Variants in ZUP1 observed in about 807,000 individuals in gnomAD.
The protein encoded by ZUP1 is zinc finger-containing ubiquitin peptidase 1.
Under a neutral mutation model 68.1 loss-of-function variants are expected in ZUP1, and 55 were observed. That is an observed-to-expected ratio of 0.81 (90% CI 0.65 to 1.01). The LOEUF (loss-of-function observed/expected upper bound fraction) is 1.01, where lower values mean the gene tolerates loss of function less well. Ranked by LOEUF, ZUP1 falls within the 50% of genes least tolerant of loss-of-function variation. The pLI, the probability that ZUP1 is intolerant of heterozygous loss-of-function variation, is 0.00. For synonymous variants in ZUP1, 223 were observed against 221.5 expected (o/e 1.01, Z -0.06); for missense variants, 684 against 674.9 (o/e 1.01, Z -0.15).
intron 9 of ZUP1, among the ~76,000 whole-genome samples, chr6:116,642,591 G>A (rs530597943): frequency 1.3e-5 from 2 of 152,284 alleles, no homozygotes; most frequent in African/African-American, 4.8e-5. Context: ...AAAACCACAT[G>A]ATTATCTCAA....
chr6:116,651,861 C>A, intron 6 of ZUP1, 124 bp from the exon 7 acceptor site: 1 of 1,403,294 alleles, frequency 7.1e-7, no homozygotes, highest in Non-Finnish European at 9.6e-7. Context: ...CATCTTCTAT[C>A]ATTTTCTCTT....
intron 7 of ZUP1, among the ~76,000 whole-genome samples, chr6:116,650,454 C>T (rs904848106): frequency 1.2e-4 from 18 of 144,728 alleles, no homozygotes; most frequent in East Asian, 6.1e-4. Flanking sequence ...AAGATTAGTT[C>T]AGTGGCCAAC....
chr6:116,660,810 C>T lies in ZUP1; in HGVS notation c.596G>A (p.Gly199Glu). 6.2e-7 allele frequency: 1 copy of T among 1,607,750 alleles called. No individual in the cohort carries two copies. The highest frequency in any genetic ancestry group is 8.5e-7 in the Non-Finnish European group (1 of 1,176,014). Residue 199 changes from glycine to glutamate, a missense_variant, in exon 3 of 10, where the codon GGG becomes GAG. Gly to Glu is a moderately conservative substitution (Grantham distance 98, BLOSUM62 -2). Coordinates refer to ENST00000368576, the MANE Select transcript of ZUP1 (RefSeq NM_145062.3). ...AATATGGTAATTTGTACATATGAGCCCACACATAGGACAATCATAGAGTGG... is the reference window on the plus strand; with the variant it reads ...AATATGGTAATTTGTACATATGAGCTCACACATAGGACAATCATAGAGTGG... ...DQPLYDCPMC[G>E]LICTNYHILQ... is the part of the protein sequence containing the mutation.
chr6:116,668,712 T>C lies in ZUP1; in HGVS notation c.-162A>G, dbSNP rs1777085992. 6.6e-6 allele frequency: 1 copy of C among 152,292 alleles called. No homozygotes were observed. The highest frequency in any genetic ancestry group is 1.5e-5 in the Non-Finnish European group (1 of 68,104). The allele number at this position is 152,292 out of a possible 1,614,324, so 9.4% of individuals were successfully genotyped here. ...CTTCCCAATACGCAGAGTTTCACAGTTAACCGAGGAAAGAATTAGGAACTT... is the reference window on the plus strand; with the variant it reads ...CTTCCCAATACGCAGAGTTTCACAGCTAACCGAGGAAAGAATTAGGAACTT... On this transcript the variant is annotated 5_prime_UTR_variant, in exon 1 of 10. Transcript: ENST00000368576.
intron 8 of ZUP1, chr6:116,646,179 CT>C (rs1259542105): frequency 6.0e-6 from 2 of 331,078 alleles, no homozygotes; most frequent in African/African-American, 2.1e-5. Context: ...AAATATTTTA[CT>C]TTTCCTTTCC....
chr6:116,638,264 T>G (rs1421315090), intron 9 of ZUP1, among the ~76,000 whole-genome samples: 1 of 152,228 alleles, frequency 6.6e-6, no homozygotes. Context: ...GGAGCTTTTT[T>G]TTCTTAATTT....
chr6:116,645,892 C>G lies in ZUP1; in HGVS notation c.1511G>C (p.Arg504Pro). 6.2e-7 allele frequency: 1 copy of G among 1,613,538 alleles called. No homozygotes were observed. The highest frequency in any genetic ancestry group is 1.3e-5 in the African/African-American group (1 of 75,004). Reference sequence around the variant, plus strand: ...ATCAAGTATTAGTAAGCATAATGTTCGGTTTTTTTTCTCTTCAATTCCAAT... The same window carrying G: ...ATCAAGTATTAGTAAGCATAATGTTGGGTTTTTTTTCTCTTCAATTCCAAT... ...TVIGIEEKKNRTLCLLILDPG... is the reference protein window; with the variant it reads ...TVIGIEEKKNPTLCLLILDPG... The change falls in exon 9 of 10, where the codon CGA becomes CCA. Residue 504 changes from arginine (R) to proline (P), a missense_variant. Arg to Pro is a moderately radical substitution (Grantham distance 103). Coordinates refer to ENST00000368576, the MANE Select transcript of ZUP1 (RefSeq NM_145062.3).
At chr6:116,661,310 T>C (rs941143242) in intron 2 of ZUP1, among the ~76,000 whole-genome samples, 10 of 152,034 alleles carry the variant, frequency 6.6e-5, no homozygotes, top group Middle Eastern at 3.4e-3. Context: ...AGGGTCGAGA[T>C]AGAAGGCTGA....
At position 116,635,837 on chromosome 6, in the gene ZUP1, G is replaced by C; in HGVS notation, c.1732C>G (p.Pro578Ala). Residue 578 changes from proline (P) to alanine (A), a missense_variant, in exon 10 of 10, where the codon CCT becomes GCT. Coordinates refer to ENST00000368576, the MANE Select transcript of ZUP1 (RefSeq NM_145062.3). Reference protein sequence around the residue: ...ASQVFTAEKIP With the variant: ...ASQVFTAEKIA ...ATGCTTAAATGCTTGATTCTTCAAGGAATCTTCTCGGCTGTAAAGACTTGA... is the reference window on the plus strand; with the variant it reads ...ATGCTTAAATGCTTGATTCTTCAAGCAATCTTCTCGGCTGTAAAGACTTGA... The C allele has an allele frequency of 1.3e-6, 2 of 1,595,882 alleles. No homozygotes were observed. Among genetic ancestry groups the C allele is most frequent in the Non-Finnish European group, 1.7e-6 (2 of 1,174,460 alleles).
Position 116,640,483 on chromosome 6 carries a change from G to A in ZUP1, c.1690-4604C>T, listed in dbSNP as rs1318426418. On this transcript the variant is annotated intron_variant, in intron 9 of 9. Coordinates refer to ENST00000368576, the MANE Select transcript of ZUP1 (RefSeq NM_145062.3). ...AAGGGAAGCCCATCAGACTAACAGC[G>A]GATCTCTCAGCAGAAACTCTACAAG... Among the ~76,000 whole-genome samples the A allele has an allele frequency of 1.9e-4, 29 of 151,898 alleles. No individual in the cohort carries two copies. The East Asian group carries it at 5.0e-3, about 26-fold the overall frequency.
chr6:116,652,056 T>C lies in ZUP1; in HGVS notation c.1098A>G (p.Gln366=), dbSNP rs1360591082. The change falls in exon 6 of 10, where the codon CAA becomes CAG. Residue 366 remains glutamine, a synonymous_variant. Transcript: ENST00000368576. ...KGWGCGYRNF[Q]MLLSSLLQND... Reference sequence around the variant, plus strand: ...TTTGTAATAATGATGAAAGTAGCATTTGGAAATTTCTGTAACCACAACCCC... The same window carrying C: ...TTTGTAATAATGATGAAAGTAGCATCTGGAAATTTCTGTAACCACAACCCC... The C allele has an allele frequency of 3.7e-6, 6 of 1,613,874 alleles. No homozygotes were observed. Among genetic ancestry groups the C allele is most frequent in the Non-Finnish European group, 5.1e-6 (6 of 1,179,890 alleles).
At chr6:116,637,686 T>TAC (rs1384868022) in intron 9 of ZUP1, among the ~76,000 whole-genome samples, 1 of 152,234 alleles carries the variant, frequency 6.6e-6, no homozygotes, top group African/African-American at 2.4e-5. Context: ...CTCGAATGTG[T>TAC]ACACTGGTGA....
chr6:116,660,660 CA>C, intron 3 of ZUP1, 75 bp downstream of exon 3: 1 of 770,776 alleles, frequency 1.3e-6, no homozygotes, highest in Non-Finnish European at 2.0e-6. Flanking sequence ...TTCCATATCA[CA>C]AATCTAAAAA....
chr6:116,646,733 C>A (rs1776321480), intron 8 of ZUP1, among the ~76,000 whole-genome samples: 1 of 152,182 alleles, frequency 6.6e-6, no homozygotes, highest in South Asian at 2.1e-4. Flanking sequence ...TGCCACCACA[C>A]CTGGCTAATT....
In ZUP1 at chr6:116,651,667, A is replaced by T. The variant is rs960795867; in HGVS notation, c.1221T>A (p.Pro407=). The T allele has an allele frequency of 1.2e-6, 2 of 1,613,810 alleles. No individual in the cohort carries two copies. The highest frequency in any genetic ancestry group is 2.7e-5 in the African/African-American group (2 of 74,908). ...TGTTATTAAGTTGAGAGGCCCCCTGAGGATCAAAACCTTCCTTCCATGCAT... is the reference window on the plus strand; with the variant it reads ...TGTTATTAAGTTGAGAGGCCCCCTGTGGATCAAAACCTTCCTTCCATGCAT... ...IEDAWKEGFD[P]QGASQLNNRL... Residue 407 remains proline (P), a synonymous_variant, in exon 7 of 10, where the codon CCT becomes CCA. Coordinates refer to ENST00000368576, the MANE Select transcript of ZUP1 (RefSeq NM_145062.3).
chr6:116,658,989 A>G, intron 3 of ZUP1, 65 bp from the exon 4 acceptor site: 1 of 1,344,562 alleles, frequency 7.4e-7, no homozygotes, highest in East Asian at 2.7e-5. Context: ...TTATTATTTA[A>G]TATATGTTTT....
chr6:116,661,846 C>T (rs1238691090), intron 2 of ZUP1, among the ~76,000 whole-genome samples: 1 of 152,292 alleles, frequency 6.6e-6, no homozygotes, highest in South Asian at 2.1e-4. Flanking sequence ...ATTTGAATTG[C>T]TAAACTCACT....
At chr6:116,641,224 C>A (rs9387425) in intron 9 of ZUP1, among the ~76,000 whole-genome samples, 28,024 of 150,240 alleles carry the variant, frequency 0.19, 2,787 homozygotes, top group East Asian at 0.29. Context: ...ACTTAGACTC[C>A]CACACAATAA....
rs766864615 is a variant in ZUP1, at chr6:116,635,888, G to T, written c.1690-9C>A. On this transcript the variant is annotated splice_polypyrimidine_tract_variant and intron_variant, in intron 9 of 9. Coordinates refer to ENST00000368576, the MANE Select transcript of ZUP1 (RefSeq NM_145062.3). ...GAAGCTTGTCTCCTGGCCTTGAAAA[G>T]AAATTTTAAAAAACAATTTTAAGCT... 6.4e-7 allele frequency: 1 copy of T among 1,573,718 alleles called. No homozygotes were observed. Among genetic ancestry groups the T allele is most frequent in the Non-Finnish European group, 8.6e-7 (1 of 1,161,770 alleles).
Sources: allele counts gnomAD v4.1 joint callset (sites outside exome capture counted in the v4.1 genomes callset), GRCh38; gene constraint gnomAD v4.1.1; transcripts MANE v1.5; gene names NCBI Gene and HGNC (gene_info 2026-07-23, HGNC 2026-07-21).